The following PCDH15 variants were observed in gnomAD, a reference collection of about 807,000 sequenced individuals.
PCDH15 encodes protocadherin related 15, also known as protocadherin-15.
In PCDH15, 129 loss-of-function variants were observed where a neutral mutation model predicts 178.5. That is an observed-to-expected ratio of 0.72 (90% CI 0.63 to 0.84). PCDH15 has a LOEUF of 0.84. Ranked by LOEUF, PCDH15 falls within the 40% of genes least tolerant of loss-of-function variation. The pLI is 0.00. For synonymous variants in PCDH15, 800 were observed against 732.0 expected (o/e 1.09, Z -1.50); for missense variants, 2,230 against 2,099.9 (o/e 1.06, Z -1.21).
chr10:54,875,012 C>G (rs986456893), intron 3 of PCDH15, among the ~76,000 whole-genome samples: 3 of 152,070 alleles, frequency 2.0e-5, no homozygotes, highest in African/African-American at 7.2e-5. Flanking sequence ...TATACAAGCA[C>G]GCTTCATTTT....
chr10:54,823,162 G>A (rs1370671405), intron 3 of PCDH15, among the ~76,000 whole-genome samples: 1 of 152,002 alleles, frequency 6.6e-6, no homozygotes, highest in African/African-American at 2.4e-5. Flanking sequence ...GATTACAGGC[G>A]TGAGCCTGTA....
At chr10:55,164,918 A>G (rs1839157841) in intron 2 of PCDH15, among the ~76,000 whole-genome samples, 1 of 148,708 alleles carries the variant, frequency 6.7e-6, no homozygotes, top group Non-Finnish European at 1.5e-5. Flanking sequence ...AGAATTGAGA[A>G]CTGTTACATA....
At chr10:55,411,843 T>A (rs888742420) in intron 2 of PCDH15, among the ~76,000 whole-genome samples, 4 of 152,142 alleles carry the variant, frequency 2.6e-5, no homozygotes, top group Non-Finnish European at 5.9e-5. Context: ...ATCCTGCAGT[T>A]AGGTAAACTA....
In PCDH15 at chr10:53,807,049, A is replaced by G. The variant is rs1841220961; in HGVS notation, c.4753T>C (p.Cys1585Arg). 6.2e-7 allele frequency: 1 copy of G among 1,613,308 alleles called. No homozygotes were observed. Among genetic ancestry groups the G allele is most frequent in the Admixed American group, 1.7e-5 (1 of 59,894 alleles). Residue 1585 changes from cysteine to arginine, a missense_variant, in exon 38 of 38, where the codon TGT becomes CGT. Cys to Arg is a radical substitution (Grantham distance 180). Transcript: ENST00000644397. ...SSTGEDSAPE[C>R]QRNRLHHPSI... ...GGATGGTGAAGACGGTTTCTCTGAC[A>G]TTCAGGAGCACTGTCTTCTCCAGTT...
intron 2 of PCDH15, among the ~76,000 whole-genome samples, chr10:55,453,576 T>C (rs1237944207): frequency 6.6e-6 from 1 of 152,074 alleles, no homozygotes; most frequent in Non-Finnish European, 1.5e-5. Context: ...TGAAAAAAGT[T>C]TGCCACCAGT....
At chr10:55,416,379 G>C (rs781443594) in intron 2 of PCDH15, among the ~76,000 whole-genome samples, 5 of 151,672 alleles carry the variant, frequency 3.3e-5, no homozygotes, top group Non-Finnish European at 7.4e-5. Flanking sequence ...ATATTCTCAT[G>C]GAAGAGAATC....
chr10:54,660,953 A>G (rs2094480772), intron 2 of PCDH15, among the ~76,000 whole-genome samples: 1 of 152,132 alleles, frequency 6.6e-6, no homozygotes, highest in South Asian at 2.1e-4. Context: ...CATTGAAAAA[A>G]ACATACTGCA....
At chr10:55,248,826 G>A (rs1389247899) in intron 1 of PCDH15, among the ~76,000 whole-genome samples, 1 of 152,046 alleles carries the variant, frequency 6.6e-6, no homozygotes, top group African/African-American at 2.4e-5. Flanking sequence ...CAAAGAGCTG[G>A]GATTACAGGC....
intron 2 of PCDH15, among the ~76,000 whole-genome samples, chr10:54,624,230 T>C (rs2093473017): frequency 6.6e-6 from 1 of 152,184 alleles, no homozygotes; most frequent in African/African-American, 2.4e-5. Flanking sequence ...AAATGAAATT[T>C]GGCATATACC....
intron 18 of PCDH15, among the ~76,000 whole-genome samples, chr10:54,058,366 A>G (rs1024606573): frequency 2.6e-5 from 4 of 152,208 alleles, no homozygotes; most frequent in African/African-American, 9.6e-5. Context: ...GCCTGCTTTC[A>G]TGGCAGAAGG....
intron 16 of PCDH15, among the ~76,000 whole-genome samples, chr10:54,081,627 T>C (rs537726219): frequency 1.3e-5 from 2 of 152,236 alleles, no homozygotes; most frequent in African/African-American, 4.8e-5. Flanking sequence ...TGCATCCTTT[T>C]ATTAAATCCG....
intron 1 of PCDH15, among the ~76,000 whole-genome samples, chr10:55,169,373 G>T (rs1403384676): frequency 6.6e-6 from 1 of 152,088 alleles, no homozygotes; most frequent in Non-Finnish European, 1.5e-5. Context: ...TAAAAAATGT[G>T]TTATTCATGA....
chr10:55,307,086 T>C (rs1352464771), intron 1 of PCDH15, among the ~76,000 whole-genome samples: 1 of 151,970 alleles, frequency 6.6e-6, no homozygotes, highest in Non-Finnish European at 1.5e-5. Context: ...CATCTTAAAA[T>C]ATTTTTCTGC....
At chr10:53,979,768 C>G (rs2090474132) in intron 21 of PCDH15, among the ~76,000 whole-genome samples, 1 of 152,136 alleles carries the variant, frequency 6.6e-6, no homozygotes, top group Non-Finnish European at 1.5e-5. Flanking sequence ...GGTGCTACAA[C>G]TAGAGAACAG....
At chr10:54,184,769 C>A (rs1437873877) in intron 12 of PCDH15, among the ~76,000 whole-genome samples, 3 of 151,898 alleles carry the variant, frequency 2.0e-5, no homozygotes, top group Non-Finnish European at 2.9e-5. Context: ...GAATCACTGG[C>A]TCAACCTTAT....
intron 2 of PCDH15, among the ~76,000 whole-genome samples, chr10:54,659,168 T>C (rs576463778): frequency 2.6e-5 from 4 of 152,288 alleles, no homozygotes; most frequent in African/African-American, 9.6e-5. Context: ...CTGAAGTATT[T>C]AACAACTATT....
chr10:54,223,479 T>C (rs1387603758), intron 9 of PCDH15, among the ~76,000 whole-genome samples: 1 of 68,768 alleles, frequency 1.5e-5, no homozygotes, highest in East Asian at 2.2e-4. Context: ...TTTGTTTACA[T>C]ATGGCTGTCC....
At chr10:54,727,134 G>C (rs1443420242) in intron 1 of PCDH15, among the ~76,000 whole-genome samples, 1 of 151,128 alleles carries the variant, frequency 6.6e-6, no homozygotes, top group South Asian at 2.1e-4. Context: ...ACAAAAAACA[G>C]CAGAATATAC....
intron 2 of PCDH15, among the ~76,000 whole-genome samples, chr10:54,963,230 T>C (rs1172855085): frequency 6.6e-6 from 1 of 152,186 alleles, no homozygotes; most frequent in Non-Finnish European, 1.5e-5. Flanking sequence ...GCTACCATAA[T>C]TCTAGTCTTC....
Sources: allele counts gnomAD v4.1 joint callset (sites outside exome capture counted in the v4.1 genomes callset), GRCh38; gene constraint gnomAD v4.1.1; transcripts MANE v1.5; gene names NCBI Gene and HGNC (gene_info 2026-07-23, HGNC 2026-07-21).